AZU1: variants seen among roughly 807,000 people sequenced by gnomAD.
The protein encoded by AZU1 is azurocidin.
A neutral mutation model predicts 17.8 loss-of-function variants in AZU1; 21 were observed. The observed-to-expected ratio is 1.18, with a 90% CI of 0.84 to 1.70. AZU1 has a LOEUF of 1.70. AZU1 is among the 40% of genes most tolerant of loss of function. AZU1 has a pLI of 0.00. For missense variants in AZU1, 379 were observed against 362.9 expected (o/e 1.04, Z -0.36); for synonymous variants, 178 against 155.2 (o/e 1.15, Z -1.09).
chr19:831,978 A>C lies in AZU1; in HGVS notation c.*101A>C. ...CCGCCCCTGCCCCCGCTCCGGCCAG[A>C]GGGGCCCTGGCTGTAATAAAGAAGC... On this transcript the variant is annotated 3_prime_UTR_variant, in exon 5 of 5. Transcript: ENST00000233997. 1 of 1,374,574 alleles carries C rather than the reference A, an allele frequency of 7.3e-7. No homozygotes were observed. The highest frequency in any genetic ancestry group is 9.9e-7 in the Non-Finnish European group (1 of 1,009,578). The allele number at this position is 1,374,574 out of a possible 1,614,324, so 85.1% of individuals were successfully genotyped here.
At chr19:831,623 G>T in intron 4 of AZU1, 93 bp from the exon 5 acceptor site, 1 of 1,357,242 alleles carries the variant, frequency 7.4e-7, no homozygotes, top group African/African-American at 1.5e-5. Flanking sequence ...ATCAGGACTT[G>T]TAGGTTCCAG....
intron 4 of AZU1, chr19:831,367 C>A: frequency 2.9e-6 from 1 of 341,244 alleles, no homozygotes; most frequent in Non-Finnish European, 5.4e-6. Flanking sequence ...CATGAGCCAC[C>A]GTGCCTGGCT....
In AZU1 at chr19:831,747, G is replaced by T. The variant is rs1207694501; in HGVS notation, c.626G>T (p.Gly209Val). ...GDGGTPLVCE[G>V]LAHGVASFSL... is the part of the protein sequence containing the mutation. ...GGGGGCACCCCCCTCGTCTGCGAGG[G>T]CCTGGCCCACGGCGTGGCCTCCTTT... Residue 209 changes from glycine (G) to valine (V), a missense_variant, in exon 5 of 5, where the codon GGC (glycine) becomes GTC (valine). By Grantham distance (109) the Gly-to-Val change is moderately radical. Transcript: ENST00000233997. The T allele has an allele frequency of 1.2e-6, 2 of 1,611,622 alleles. No homozygotes were observed. The highest frequency in any genetic ancestry group is 1.7e-5 in the Admixed American group (1 of 59,862).
At position 831,963 on chromosome 19, in the gene AZU1, C is replaced by T; in HGVS notation, c.*86C>T. 1 of 1,461,544 alleles carries T rather than the reference C, an allele frequency of 6.8e-7. No homozygotes were observed. Among genetic ancestry groups the T allele is most frequent in the Non-Finnish European group, 9.3e-7 (1 of 1,077,172 alleles). 90.5% of individuals were successfully genotyped at this position (1,461,544 alleles called of 1,614,324 possible). A position where few individuals can be genotyped will look rare whatever the true frequency, so the allele number is the denominator to read the frequency against. ...CCACCTCCCACGGCCCCGCCCCTGC[C>T]CCCGCTCCGGCCAGAGGGGCCCTGG... On this transcript the variant is annotated 3_prime_UTR_variant, in exon 5 of 5. Coordinates refer to ENST00000233997, the MANE Select transcript of AZU1 (RefSeq NM_001700.5).
chr19:829,810 C>T (rs1040403804), intron 3 of AZU1, 104 bp downstream of exon 3: 63 of 1,443,552 alleles, frequency 4.4e-5, no homozygotes, highest in African/African-American at 5.7e-5. Context: ...AAAAATTAGC[C>T]GGGAGTGGTG....
At chr19:828,128 G>C (rs943891391) in intron 1 of AZU1, 102 bp from the exon 2 acceptor site, 12 of 1,400,850 alleles carry the variant, frequency 8.6e-6, no homozygotes, top group African/African-American at 1.4e-5. Flanking sequence ...GGGTCCCCCC[G>C]CAGCCCCACT....
At chr19:829,750 C>T (rs1452254378) in intron 3 of AZU1, 44 bp downstream of exon 3, 7 of 1,592,100 alleles carry the variant, frequency 4.4e-6, no homozygotes, top group Middle Eastern at 1.7e-4. Context: ...CTCGGGAGGC[C>T]GACGTTAGCC....
chr19:827,840 C>T lies in AZU1; in HGVS notation c.-7C>T, dbSNP rs1157640573. ...AGCCGCCGCCTTAGCCACAGACCTG[C>T]CCCGCCATGACCCGGCTGACAGTCC... On this transcript the variant is annotated 5_prime_UTR_variant, in exon 1 of 5. Transcript: ENST00000233997. The T allele has an allele frequency of 4.6e-6, 7 of 1,535,914 alleles. No homozygotes were observed.
rs2035293602 is a variant in AZU1 at position 831,881 on chromosome 19, G to A, written c.*4G>A. On this transcript the variant is annotated 3_prime_UTR_variant, in exon 5 of 5. Coordinates refer to ENST00000233997, the MANE Select transcript of AZU1 (RefSeq NM_001700.5). ...CCCGGGACCGGGGCCAGCCTAGGGG[G>A]GCCTGTGACCTCCCATGGAGCCCAG... 1 of 1,609,890 alleles carries A rather than the reference G, an allele frequency of 6.2e-7. No individual in the cohort carries two copies.
At position 829,604 on chromosome 19, in the gene AZU1, G is replaced by A. The variant is rs1284634842; in HGVS notation, c.258G>A (p.Leu86=). ...CCGTGGTGCTGGGTGCCTATGACCT[G>A]AGGCGGCGGGAGAGGCAGTCCCGCC... is the stretch of plus-strand genomic sequence containing the variant. ...VSTVVLGAYD[L]RRRERQSRQT... Residue 86 remains leucine, a synonymous_variant, in exon 3 of 5, where the codon CTG becomes CTA. Transcript: ENST00000233997. 7 of 1,613,340 alleles carry A rather than the reference G, an allele frequency of 4.3e-6. No homozygotes were observed. Among genetic ancestry groups the A allele is most frequent in the Non-Finnish European group, 5.9e-6 (7 of 1,179,978 alleles).
In AZU1 at chr19:830,903, T is replaced by A; in HGVS notation, c.556T>A (p.Cys186Ser). Residue 186 changes from cysteine (C) to serine (S), a missense_variant, in exon 4 of 5, where the codon TGC (cysteine) becomes AGC (serine). Physicochemically the swap from Cys to Ser is moderately radical, Grantham distance 112. Transcript: ENST00000233997. ...GGACCAGTGTCGCCCCAACAACGTG[T>A]GCACCGGTGTGCTCACCCGCCGCGG... ...PEDQCRPNNV[C>S]TGVLTRRGGI... 1 of 1,604,136 alleles carries A rather than the reference T, an allele frequency of 6.2e-7. No homozygotes were observed. The highest frequency in any genetic ancestry group is 8.5e-7 in the Non-Finnish European group (1 of 1,179,936).
intron 2 of AZU1, 30 bp from the exon 3 acceptor site, chr19:829,532 T>C (rs773813859): frequency 6.2e-7 from 1 of 1,606,888 alleles, no homozygotes; most frequent in Non-Finnish European, 8.5e-7. Context: ...CCTGGTGTCC[T>C]CCCTCTGCCC....
At chr19:828,121 T>C (rs1352687608) in intron 1 of AZU1, 109 bp from the exon 2 acceptor site, 3 of 1,349,344 alleles carry the variant, frequency 2.2e-6, no homozygotes, top group Non-Finnish European at 3.0e-6. Flanking sequence ...GGAGGGTGGG[T>C]CCCCCCGCAG....
In AZU1 at chr19:829,562, G is replaced by A; in HGVS notation, c.216G>A (p.Gln72=). The change falls in exon 3 of 5, where the codon CAG becomes CAA. Residue 72 remains glutamine (Q), a splice_region_variant and synonymous_variant. Transcript: ENST00000233997. ...CTGCCCTTTCCTCCGCTACTCTCAG[G>A]AACCCCGGGGTTAGCACCGTGGTGC... ...VMTAASCFQS[Q]NPGVSTVVLG... 2 of 1,612,560 alleles carry A rather than the reference G, an allele frequency of 1.2e-6. No homozygotes were observed. The highest frequency in any genetic ancestry group is 1.7e-6 in the Non-Finnish European group (2 of 1,179,818).
In AZU1 at chr19:831,773, T is replaced by TCCCTGGGG; in HGVS notation, c.658_665dup (p.Cys222TrpfsTer?). On this transcript the variant is annotated frameshift_variant, in exon 5 of 5. Coordinates refer to ENST00000233997, the MANE Select transcript of AZU1 (RefSeq NM_001700.5). LOFTEE classifies it low-confidence loss of function (END_TRUNC). ...CCTGGCCCACGGCGTGGCCTCCTTT[T>TCCCTGGGG]CCCTGGGGCCCTGTGGCCGAGGCCC... The TCCCTGGGG allele has an allele frequency of 6.2e-7, 1 of 1,612,492 alleles. No individual in the cohort carries two copies. The highest frequency in any genetic ancestry group is 1.7e-5 in the Admixed American group (1 of 60,006).
intron 3 of AZU1, 97 bp downstream of exon 3, chr19:829,803 A>C: frequency 6.8e-7 from 1 of 1,465,242 alleles, no homozygotes; most frequent in Middle Eastern, 1.8e-4. Flanking sequence ...AAAATACAAA[A>C]ATTAGCCGGG....
chr19:830,647 G>A, intron 3 of AZU1, 61 bp from the exon 4 acceptor site: 1 of 1,403,486 alleles, frequency 7.1e-7, no homozygotes, highest in Non-Finnish European at 9.5e-7. Flanking sequence ...CTGCTCCCAG[G>A]GGTCCCCATG....
At position 830,592 on chromosome 19, in the gene AZU1, T is replaced by TAAAC. The variant is rs532563119; in HGVS notation, c.361-115_361-112dup. ...ACCGCACCCGGCCCCTGCCGGGAATTAAACGCAAACCACTTACAGACTACA... is the reference window on the plus strand; with the variant it reads ...ACCGCACCCGGCCCCTGCCGGGAATTAAACAAACGCAAACCACTTACAGACTACA... On this transcript the variant is annotated intron_variant, in intron 3 of 4. Transcript: ENST00000233997. 1.1e-3 allele frequency: 1,059 copies of TAAAC among 950,454 alleles called. 8 individuals carry two copies. In the African/African-American group the frequency reaches 0.016, roughly 14 times the overall value. 58.9% of individuals were successfully genotyped at this position (950,454 alleles called of 1,614,324 possible).
At chr19:831,627 G>T (rs2035288662) in intron 4 of AZU1, 89 bp from the exon 5 acceptor site, 3 of 1,384,298 alleles carry the variant, frequency 2.2e-6, no homozygotes, top group South Asian at 1.4e-5. Flanking sequence ...GGACTTGTAG[G>T]TTCCAGGGGC....
Sources: allele counts gnomAD v4.1 joint callset, GRCh38; gene constraint gnomAD v4.1.1; transcripts MANE v1.5; gene names NCBI Gene and HGNC (gene_info 2026-07-23, HGNC 2026-07-21).